TEP1: variants seen among roughly 807,000 people sequenced by gnomAD.
TEP1 encodes the protein telomerase associated protein 1, also known as telomerase protein component 1.
A neutral mutation model predicts 306.3 loss-of-function variants in TEP1; 241 were observed. The observed-to-expected ratio is 0.79, with a 90% CI of 0.71 to 0.88. The LOEUF is 0.88. Ranked by LOEUF, TEP1 falls within the 40% of genes least tolerant of loss-of-function variation. The pLI, the probability that TEP1 is intolerant of heterozygous loss-of-function variation, is 0.00. For missense variants in TEP1, 3,051 were observed against 3,276.1 expected (o/e 0.93, Z 1.68); for synonymous variants, 1,289 against 1,305.5 (o/e 0.99, Z 0.27).
Position 20,373,164 on chromosome 14 carries a change from G to C in TEP1, c.6815-17C>G. The stretch of plus-strand genomic sequence containing the variant: ...ATGTGTCATCTGGAGGAGAAAGGAC[G>C]TGTTTCATTAGGAGCTGGGATACTG... On this transcript the variant is annotated splice_polypyrimidine_tract_variant and intron_variant, in intron 47 of 54. Transcript: ENST00000262715. The C allele has an allele frequency of 6.2e-7, 1 of 1,614,134 alleles. No individual in the cohort carries two copies. Among genetic ancestry groups the C allele is most frequent in the Non-Finnish European group, 8.5e-7 (1 of 1,180,008 alleles).
At chr14:20,393,074 G>A (rs771496676) in intron 12 of TEP1, among the ~76,000 whole-genome samples, 26 of 151,976 alleles carry the variant, frequency 1.7e-4, no homozygotes, top group Non-Finnish European at 3.4e-4. Flanking sequence ...AAAATTAGCC[G>A]GGCGTGGTGG....
chr14:20,386,817 C>T (rs1877207652), intron 18 of TEP1, among the ~76,000 whole-genome samples, 194 bp from the exon 19 acceptor site: 1 of 152,142 alleles, frequency 6.6e-6, no homozygotes, highest in Non-Finnish European at 1.5e-5. Flanking sequence ...TGCCCACTTG[C>T]TATTTCTTGT....
chr14:20,372,541 G>A (rs959563765), intron 49 of TEP1, among the ~76,000 whole-genome samples, 192 bp downstream of exon 49: 1 of 152,128 alleles, frequency 6.6e-6, no homozygotes, highest in African/African-American at 2.4e-5. Flanking sequence ...GCCTGGCCCA[G>A]AGCTTGGCAT....
chr14:20,373,855 A>C, intron 44 of TEP1, 45 bp from the exon 45 acceptor site: 1 of 1,590,348 alleles, frequency 6.3e-7, no homozygotes, highest in Non-Finnish European at 8.6e-7. Context: ...ATTGAGCAGG[A>C]CATGGGAAAC....
At chr14:20,371,979 T>C (rs1249190806) in intron 49 of TEP1, among the ~76,000 whole-genome samples, 1 of 152,216 alleles carries the variant, frequency 6.6e-6, no homozygotes, top group East Asian at 1.9e-4. Flanking sequence ...TCCTAGGCTA[T>C]AGCTACAGGT....
Position 20,382,329 on chromosome 14 carries a change from C to T in TEP1, c.4168G>A (p.Ala1390Thr). Residue 1390 changes from alanine to threonine, a missense_variant, in exon 29 of 55, where the codon GCC (alanine) becomes ACC (threonine). By Grantham distance (58) the Ala-to-Thr change is moderately conservative (BLOSUM62 0). Coordinates refer to ENST00000262715, the MANE Select transcript of TEP1 (RefSeq NM_007110.5). ...TGCTGCAGCAGCAGGGGGACAGTGG[C>T]AGGCAGGGTCCGGAGTCTCTCAGAC... The part of the protein sequence containing the change: ...QVSERLRTLP[A>T]TVPLLLQHIL... 6.2e-7 allele frequency: 1 copy of T among 1,612,550 alleles called. No homozygotes were observed. Among genetic ancestry groups the T allele is most frequent in the South Asian group, 1.1e-5 (1 of 90,846 alleles).
chr14:20,378,482 G>A lies in TEP1; in HGVS notation c.5406C>T (p.Ser1802=). The A allele has an allele frequency of 6.2e-7, 1 of 1,614,220 alleles. No individual in the cohort carries two copies. The highest frequency in any genetic ancestry group is 1.1e-5 in the South Asian group (1 of 91,086). The change falls in exon 38 of 55, where the codon TCC becomes TCT. Residue 1802 remains serine, a synonymous_variant. Coordinates refer to ENST00000262715, the MANE Select transcript of TEP1 (RefSeq NM_007110.5). ...QLAFQHTYPK[S]LNCVAFHPEG... ...CTGGGTGGAAGGCAACACAGTTCAG[G>A]GACTTGGGGTAGGTGTGCTGGAAGG...
At chr14:20,401,934 A>T (rs113279100) in intron 7 of TEP1, among the ~76,000 whole-genome samples, 5,254 of 152,326 alleles carry the variant, frequency 0.034, 94 homozygotes, top group Non-Finnish European at 0.041. Context: ...TAAGACTCTT[A>T]ATAGATAAAT....
At chr14:20,394,634 C>T (rs1392944037) in intron 12 of TEP1, among the ~76,000 whole-genome samples, 1 of 152,142 alleles carries the variant, frequency 6.6e-6, no homozygotes, top group Non-Finnish European at 1.5e-5. Context: ...CACCCACCAC[C>T]ACACCCGGCT....
intron 53 of TEP1, 95 bp downstream of exon 53, chr14:20,369,249 C>T (rs1351761392): frequency 1.6e-6 from 2 of 1,261,066 alleles, no homozygotes; most frequent in Non-Finnish European, 2.3e-6. Context: ...ACCTCATTAT[C>T]TGCCCGCCTA....
Position 20,380,461 on chromosome 14 carries a change from TG to T in TEP1, c.4776del (p.Glu1594ArgfsTer17). On this transcript the variant is annotated frameshift_variant, in exon 34 of 55. Transcript: ENST00000262715. LOFTEE classifies it high-confidence loss of function. ...EAHALYASSV[P>X]KEEQKLPEAD... is the part of the protein sequence containing the mutation. ...GCCTCGGGGAGCTTTTGTTCCTCTT[TG>T]GGGACTGAAGAAGCTATAAAAGGGT... 6.2e-7 allele frequency: 1 copy of T among 1,613,062 alleles called. No homozygotes were observed. Among genetic ancestry groups the T allele is most frequent in the Non-Finnish European group, 8.5e-7 (1 of 1,179,852 alleles).
At chr14:20,386,024 GC>G in intron 20 of TEP1, 50 bp downstream of exon 20, 1 of 1,543,550 alleles carries the variant, frequency 6.5e-7, no homozygotes, top group Non-Finnish European at 8.7e-7. Flanking sequence ...CCCAGCCTCT[GC>G]CCCAATCTTT....
intron 6 of TEP1, 68 bp downstream of exon 6, chr14:20,403,655 G>T (rs1878937484): frequency 6.2e-7 from 1 of 1,606,992 alleles, no homozygotes; most frequent in African/African-American, 1.3e-5. Context: ...CCCAGCATCA[G>T]CATGCTCCCT....
At chr14:20,409,103 C>T (rs1228890931) in intron 1 of TEP1, among the ~76,000 whole-genome samples, 1 of 152,196 alleles carries the variant, frequency 6.6e-6, no homozygotes, top group East Asian at 1.9e-4. Context: ...CCCCACCAGT[C>T]CACAAGTCCT....
rs753415986 is a variant in TEP1 at position 20,368,563 on chromosome 14, C to T, written c.7762-4G>A. The T allele has an allele frequency of 1.2e-5, 20 of 1,613,908 alleles. No individual in the cohort carries two copies. The Middle Eastern group carries it at 4.9e-4, about 40-fold the overall frequency. On this transcript the variant is annotated splice_region_variant and splice_polypyrimidine_tract_variant and intron_variant, in intron 54 of 54. Coordinates refer to ENST00000262715, the MANE Select transcript of TEP1 (RefSeq NM_007110.5). ...CTTCGCATCGGAACAGGCCCAGCTA[C>T]GATGGGAACAAAAATAGGGGAGGTC...
chr14:20,405,761 C>T (rs1483592343), intron 3 of TEP1, among the ~76,000 whole-genome samples, 176 bp from the exon 4 acceptor site: 1 of 152,042 alleles, frequency 6.6e-6, no homozygotes, highest in African/African-American at 2.4e-5. Context: ...CATCTGTAAT[C>T]CCAGCACTCT....
At chr14:20,388,720 T>C (rs771341751) in intron 17 of TEP1, among the ~76,000 whole-genome samples, 3 of 152,116 alleles carry the variant, frequency 2.0e-5, no homozygotes, top group African/African-American at 7.2e-5. Context: ...GGCAGACATA[T>C]TGAATTATGA....
intron 51 of TEP1, among the ~76,000 whole-genome samples, chr14:20,370,930 T>C (rs951640412): frequency 7.9e-5 from 12 of 152,172 alleles, no homozygotes; most frequent in African/African-American, 2.4e-4. Flanking sequence ...CTATTATTCA[T>C]AGGGGCAAGA....
intron 2 of TEP1, among the ~76,000 whole-genome samples, chr14:20,406,628 T>C (rs1879198214): frequency 6.6e-6 from 1 of 152,242 alleles, no homozygotes; most frequent in Non-Finnish European, 1.5e-5. Flanking sequence ...ACATGCTTCA[T>C]GATCTGCCCC....
Sources: gnomAD v4.1 joint callset for allele counts (sites outside exome capture counted in the v4.1 genomes callset) on GRCh38, gnomAD v4.1.1 for gene constraint, MANE v1.5 for transcripts, NCBI Gene and HGNC (gene_info 2026-07-23, HGNC 2026-07-21) for gene names.